Variants in LAMB4 observed in about 807,000 individuals in gnomAD.
LAMB4 encodes laminin subunit beta 4, also known as laminin subunit beta-4.
A neutral mutation model predicts 199.2 loss-of-function variants in LAMB4; 196 were observed. That is an observed-to-expected ratio of 0.98 (90% CI 0.88 to 1.11). LAMB4 has a LOEUF of 1.11. Ranked by LOEUF, LAMB4 falls within the 50% of genes least tolerant of loss-of-function variation. The pLI is 0.00. For missense variants in LAMB4, 2,080 were observed against 2,171.2 expected, an observed-to-expected ratio of 0.96 and a Z score of 0.83; for synonymous variants, 744 against 770.6, an observed-to-expected ratio of 0.97 and a Z score of 0.57.
chr7:108,098,263 G>A (rs2037690802), intron 11 of LAMB4, 140 bp downstream of exon 11: 4 of 577,122 alleles, frequency 6.9e-6, no homozygotes, highest in African/African-American at 3.8e-5. Flanking sequence ...AACCTGGGAG[G>A]TGGAGGTTGG....
chr7:108,013,285 G>A, the LAMB4 span, among the ~76,000 whole-genome samples: 1 of 152,164 alleles, frequency 6.6e-6, no homozygotes, highest in African/African-American at 2.4e-5. Context: ...AAATGCCTGG[G>A]ACTATGCCTC....
chr7:108,057,667 T>C (rs1466672697), intron 24 of LAMB4, among the ~76,000 whole-genome samples, 165 bp downstream of exon 24: 1 of 152,208 alleles, frequency 6.6e-6, no homozygotes. Context: ...TGCAGGGCTA[T>C]AGGAAGATTA....
chr7:108,088,208 G>T lies in LAMB4; in HGVS notation c.1701+3418C>A, dbSNP rs567394590. Reference sequence around the variant, plus strand: ...GAGAGAGTCTCCCTCTGTCACCCAGGCTGGAGTGCAATAGCACGATCTCAG... The same window carrying T: ...GAGAGAGTCTCCCTCTGTCACCCAGTCTGGAGTGCAATAGCACGATCTCAG... On this transcript the variant is annotated intron_variant, in intron 14 of 33. Coordinates refer to ENST00000388781, the MANE Select transcript of LAMB4 (RefSeq NM_007356.3). Among the ~76,000 whole-genome samples the T allele has an allele frequency of 9.5e-4, 144 of 151,440 alleles. 1 individual carries two copies. Among genetic ancestry groups the T allele is most frequent in the Non-Finnish European group, 1.9e-3 (128 of 67,916 alleles).
At chr7:108,028,045 A>T (rs1423636589) in intron 33 of LAMB4, among the ~76,000 whole-genome samples, 1 of 152,134 alleles carries the variant, frequency 6.6e-6, no homozygotes, top group Non-Finnish European at 1.5e-5. Flanking sequence ...CAGCCTCCCA[A>T]AGTGTTGGGA....
intron 10 of LAMB4, 57 bp downstream of exon 10, chr7:108,102,987 A>G (rs775230395): frequency 5.5e-6 from 8 of 1,457,406 alleles, no homozygotes; most frequent in Non-Finnish European, 7.4e-6. Context: ...CCCCAGTAAG[A>G]TCAAACTGAA....
intron 10 of LAMB4, among the ~76,000 whole-genome samples, chr7:108,101,983 G>A (rs2037829563): frequency 6.6e-6 from 1 of 152,170 alleles, no homozygotes; most frequent in Non-Finnish European, 1.5e-5. Flanking sequence ...CAGAGCCCCA[G>A]GAACTCCCAT....
At chr7:108,083,504 C>G (rs2037039315) in intron 14 of LAMB4, among the ~76,000 whole-genome samples, 1 of 152,138 alleles carries the variant, frequency 6.6e-6, no homozygotes, top group Admixed American at 6.5e-5. Context: ...CACTTTCCAG[C>G]AAAACAAGTT....
In LAMB4 at chr7:108,073,240, C is replaced by T. The variant is rs370645311; in HGVS notation, c.2125-3355G>A. Among the ~76,000 whole-genome samples, 251 of 152,248 alleles carry T rather than the reference C, an allele frequency of 1.6e-3. 2 individuals are homozygous for T. Among genetic ancestry groups the T allele is most frequent in the African/African-American group, 5.9e-3 (245 of 41,544 alleles). ...AGGCTGGTCTCAAACTCCTGATGTC[C>T]GGTGATCCGCCCACCTCGGCCTCCC... On this transcript the variant is annotated intron_variant, in intron 17 of 33. Coordinates refer to ENST00000388781, the MANE Select transcript of LAMB4 (RefSeq NM_007356.3).
At chr7:108,090,537 T>TC (rs1258656588) in intron 14 of LAMB4, among the ~76,000 whole-genome samples, 1 of 152,162 alleles carries the variant, frequency 6.6e-6, no homozygotes, top group East Asian at 1.9e-4. Flanking sequence ...TCAGATGCTT[T>TC]ACTTACAACC....
At chr7:108,012,087 CAT>C in the LAMB4 span, among the ~76,000 whole-genome samples, 1 of 149,748 alleles carries the variant, frequency 6.7e-6, no homozygotes, top group African/African-American at 2.5e-5. Context: ...TATATAAACA[CAT>C]ATGAATAAAG....
intron 25 of LAMB4, among the ~76,000 whole-genome samples, chr7:108,055,346 C>T (rs2035946427): frequency 6.6e-6 from 1 of 152,122 alleles, no homozygotes; most frequent in Non-Finnish European, 1.5e-5. Context: ...GCCACCATGC[C>T]TGGCTAATAT....
intron 25 of LAMB4, among the ~76,000 whole-genome samples, chr7:108,055,350 C>A (rs901646980): frequency 6.6e-6 from 1 of 152,046 alleles, no homozygotes; most frequent in Non-Finnish European, 1.5e-5. Context: ...CCATGCCTGG[C>A]TAATATTTGT....
chr7:108,117,346 G>A (rs1474195709), intron 2 of LAMB4, among the ~76,000 whole-genome samples: 1 of 152,172 alleles, frequency 6.6e-6, no homozygotes, highest in Non-Finnish European at 1.5e-5. Flanking sequence ...ACGGGCATGA[G>A]GGGCAAGTAG....
intron 19 of LAMB4, 134 bp downstream of exon 19, chr7:108,067,882 G>T: frequency 9.3e-7 from 1 of 1,078,588 alleles, no homozygotes; most frequent in Non-Finnish European, 1.4e-6. Flanking sequence ...TATATTTTAT[G>T]TACATAGATA....
At chr7:108,107,114 A>G (rs144250420) in intron 6 of LAMB4, among the ~76,000 whole-genome samples, 300 of 152,296 alleles carry the variant, frequency 2.0e-3, no homozygotes, top group African/African-American at 7.0e-3. Context: ...TTGGCAAGCC[A>G]TGATCAATTT....
chr7:108,077,937 T>A (rs1563071196), intron 16 of LAMB4, among the ~76,000 whole-genome samples: 1 of 152,250 alleles, frequency 6.6e-6, no homozygotes, highest in South Asian at 2.1e-4. Flanking sequence ...ACATTAGTGA[T>A]GAGTTTTCAG....
intron 15 of LAMB4, 121 bp downstream of exon 15, chr7:108,079,480 G>T: frequency 2.4e-6 from 2 of 843,306 alleles, no homozygotes; most frequent in Non-Finnish European, 3.6e-6. Flanking sequence ...ATGCTCCCCA[G>T]ATGTTCACTT....
downstream of LAMB4, among the ~76,000 whole-genome samples, chr7:108,018,954 C>T (rs1432942695): frequency 6.6e-6 from 1 of 152,132 alleles, no homozygotes; most frequent in African/African-American, 2.4e-5. Flanking sequence ...CAACCAGGGA[C>T]CTGTTTCTTC....
chr7:108,097,909 GC>G (rs1488837815), intron 11 of LAMB4, among the ~76,000 whole-genome samples: 1 of 152,134 alleles, frequency 6.6e-6, no homozygotes, highest in Admixed American at 6.5e-5. Context: ...AAATGTGAAT[GC>G]CCCCTGCTGG....
Sources: gnomAD v4.1 joint callset for allele counts (sites outside exome capture counted in the v4.1 genomes callset) on GRCh38, gnomAD v4.1.1 for gene constraint, MANE v1.5 for transcripts, NCBI Gene and HGNC (gene_info 2026-07-23, HGNC 2026-07-21) for gene names.